LZTFL1: variants seen among roughly 807,000 people sequenced by gnomAD.
The protein encoded by LZTFL1 is leucine zipper transcription factor-like protein 1.
Under a neutral mutation model 45.9 loss-of-function variants are expected in LZTFL1, and 25 were observed. The observed-to-expected ratio is 0.54, with a 90% CI of 0.40 to 0.76. The LOEUF (loss-of-function observed/expected upper bound fraction) is 0.76, where lower values mean the gene tolerates loss of function less well. LZTFL1 is among the 30% of genes least tolerant of loss of function. LZTFL1 has a pLI of 0.00. For missense variants in LZTFL1, 277 were observed against 331.1 expected, an observed-to-expected ratio of 0.84 and a Z score of 1.27; for synonymous variants, 93 against 117.4, an observed-to-expected ratio of 0.79 and a Z score of 1.35.
intron 2 of LZTFL1, among the ~76,000 whole-genome samples, chr3:45,890,291 A>ACAT: frequency 8.6e-6 from 1 of 116,746 alleles, no homozygotes; most frequent in African/African-American, 3.6e-5. Context: ...TATTTATATA[A>ACAT]ATATATATAT....
chr3:45,909,705 T>TC (rs1702755073), intron 2 of LZTFL1, among the ~76,000 whole-genome samples: 2 of 152,114 alleles, frequency 1.3e-5, no homozygotes, highest in South Asian at 4.1e-4. Context: ...AGGGACGGAG[T>TC]CCCCTGGGGA....
At chr3:45,906,572 C>T (rs1308006683) in intron 2 of LZTFL1, among the ~76,000 whole-genome samples, 2 of 152,196 alleles carry the variant, frequency 1.3e-5, no homozygotes, top group Non-Finnish European at 2.9e-5. Context: ...CATGCAAATG[C>T]TAAATGGTAA....
chr3:45,896,055 G>A (rs1458615145), intron 2 of LZTFL1, among the ~76,000 whole-genome samples: 1 of 152,200 alleles, frequency 6.6e-6, no homozygotes, highest in East Asian at 1.9e-4. Context: ...TATTACATAT[G>A]TATAGTTACC....
chr3:45,888,671 G>A (rs888659719), intron 2 of LZTFL1, among the ~76,000 whole-genome samples: 1 of 152,182 alleles, frequency 6.6e-6, no homozygotes, highest in African/African-American at 2.4e-5. Flanking sequence ...CTCTCAGTAT[G>A]TTTGGTCATA....
chr3:45,912,038 G>A (rs1394096276), intron 2 of LZTFL1, among the ~76,000 whole-genome samples: 1 of 152,272 alleles, frequency 6.6e-6, no homozygotes, highest in African/African-American at 2.4e-5. Context: ...AGCCACTGCT[G>A]TGTCCAGCGT....
chr3:45,856,686 GA>G (rs1210336208), intron 3 of LZTFL1, among the ~76,000 whole-genome samples: 1 of 151,136 alleles, frequency 6.6e-6, no homozygotes, highest in Non-Finnish European at 1.5e-5. Context: ...ACATTTACAA[GA>G]AAAAAAACCT....
chr3:45,850,734 A>G (rs553617913), intron 4 of LZTFL1, among the ~76,000 whole-genome samples: 3 of 151,902 alleles, frequency 2.0e-5, no homozygotes, highest in Admixed American at 2.0e-4. Flanking sequence ...CTCCCTCCCA[A>G]CACCTGTACC....
intron 4 of LZTFL1, among the ~76,000 whole-genome samples, chr3:45,853,161 T>C (rs1701332735): frequency 6.6e-6 from 1 of 152,252 alleles, no homozygotes; most frequent in Admixed American, 6.5e-5. Context: ...TGAGCTTTCT[T>C]TGAGCAGGCA....
intron 4 of LZTFL1, among the ~76,000 whole-genome samples, chr3:45,853,498 G>A (rs1701338914): frequency 6.6e-6 from 1 of 152,002 alleles, no homozygotes; most frequent in Non-Finnish European, 1.5e-5. Flanking sequence ...AGTGTCATGG[G>A]GCTACAAAAA....
chr3:45,867,867 G>A (rs759488825), intron 2 of LZTFL1, among the ~76,000 whole-genome samples: 2 of 152,024 alleles, frequency 1.3e-5, no homozygotes, highest in Non-Finnish European at 2.9e-5. Context: ...CAACGAACAA[G>A]AAAACCTATA....
intron 2 of LZTFL1, chr3:45,883,896 T>C (rs761367581): frequency 3.7e-5 from 19 of 517,042 alleles, no homozygotes; most frequent in Admixed American, 1.8e-4. Context: ...AGCAAAACAC[T>C]GACAATCCTC....
At chr3:45,879,016 T>C (rs1318204316) in intron 2 of LZTFL1, among the ~76,000 whole-genome samples, 2 of 152,286 alleles carry the variant, frequency 1.3e-5, no homozygotes, top group East Asian at 3.9e-4. Flanking sequence ...TAGCACCAAA[T>C]GCTGGTAATG....
chr3:45,894,487 A>G (rs1702288065), intron 2 of LZTFL1, among the ~76,000 whole-genome samples: 1 of 152,176 alleles, frequency 6.6e-6, no homozygotes. Context: ...CTGATAGAGC[A>G]GGGGGAAGGG....
At chr3:45,866,982 T>A (rs893165234) in intron 2 of LZTFL1, among the ~76,000 whole-genome samples, 15 of 151,876 alleles carry the variant, frequency 9.9e-5, no homozygotes, top group Non-Finnish European at 2.1e-4. Context: ...ACCCCATCTT[T>A]ACTAAAAATA....
chr3:45,883,849 G>T, intron 2 of LZTFL1: 2 of 539,620 alleles, frequency 3.7e-6, no homozygotes, highest in Non-Finnish European at 6.9e-6. Context: ...CCATCACAGA[G>T]CAAGGATTCA....
chr3:45,895,371 C>T (rs1195147171), intron 2 of LZTFL1, among the ~76,000 whole-genome samples: 2 of 152,300 alleles, frequency 1.3e-5, no homozygotes, highest in Non-Finnish European at 1.5e-5. Flanking sequence ...TATGAAAACA[C>T]GTAACAGTAT....
chr3:45,913,278 G>A (rs999709149), intron 1 of LZTFL1: 318 of 851,866 alleles, frequency 3.7e-4, no homozygotes, highest in Non-Finnish European at 4.9e-4. Flanking sequence ...TTTTCATGAG[G>A]ACCTGCCACA....
chr3:45,881,787 T>C (rs1050529198), intron 2 of LZTFL1, among the ~76,000 whole-genome samples: 2 of 152,122 alleles, frequency 1.3e-5, no homozygotes, highest in Non-Finnish European at 2.9e-5. Context: ...CTTCACCCCC[T>C]TGCAGAAGGG....
At chr3:45,874,039 C>A (rs1423699904) in intron 2 of LZTFL1, among the ~76,000 whole-genome samples, 1 of 152,200 alleles carries the variant, frequency 6.6e-6, no homozygotes, top group Non-Finnish European at 1.5e-5. Context: ...CTCACTAATT[C>A]TACAAGTACT....
Sources: gnomAD v4.1 joint callset for allele counts (sites outside exome capture counted in the v4.1 genomes callset) on GRCh38, gnomAD v4.1.1 for gene constraint, MANE v1.5 for transcripts, NCBI Gene and HGNC (gene_info 2026-07-23, HGNC 2026-07-21) for gene names.